OTUD7A: variants seen among roughly 807,000 people sequenced by gnomAD.
OTUD7A encodes the protein OTU domain-containing protein 7A.
A neutral mutation model predicts 65.7 loss-of-function variants in OTUD7A; 12 were observed. The ratio of observed to expected loss-of-function variants is 0.18; its 90% CI spans 0.12 to 0.30. The LOEUF (loss-of-function observed/expected upper bound fraction) is 0.30. Ranked by LOEUF, OTUD7A falls within the 10% of genes least tolerant of loss-of-function variation. The pLI is 1.00. For missense variants in OTUD7A, 1,148 were observed against 1,304.8 expected (o/e 0.88, Z 1.85); for synonymous variants, 641 against 586.3 (o/e 1.09, Z -1.35).
chr15:31,665,768 T>C (rs1243021984), intron 1 of OTUD7A, among the ~76,000 whole-genome samples: 2 of 152,204 alleles, frequency 1.3e-5, no homozygotes, highest in Non-Finnish European at 2.9e-5. Flanking sequence ...ACTTTTCCCA[T>C]TCAGTATTAT....
At chr15:31,604,158 G>A (rs1405003687) in intron 3 of OTUD7A, among the ~76,000 whole-genome samples, 1 of 152,090 alleles carries the variant, frequency 6.6e-6, no homozygotes, top group Non-Finnish European at 1.5e-5. Flanking sequence ...TGTTTATTGT[G>A]GCACTATTCA....
At chr15:31,594,366 G>C (rs149331491) in intron 3 of OTUD7A, among the ~76,000 whole-genome samples, 1 of 152,234 alleles carries the variant, frequency 6.6e-6, no homozygotes, top group South Asian at 2.1e-4. Context: ...TGTCTCTTGA[G>C]TGTTTTCCAA....
At chr15:31,757,095 C>T (rs1383964599) in intron 1 of OTUD7A, among the ~76,000 whole-genome samples, 1 of 152,110 alleles carries the variant, frequency 6.6e-6, no homozygotes, top group Non-Finnish European at 1.5e-5. Context: ...TCCAGATGAA[C>T]CCAACTTCAC....
chr15:31,662,032 G>A (rs34280358), intron 1 of OTUD7A, among the ~76,000 whole-genome samples: 2 of 152,172 alleles, frequency 1.3e-5, no homozygotes, highest in Non-Finnish European at 1.5e-5. Flanking sequence ...GCACTGGGAT[G>A]TAAGACTCGA....
chr15:31,752,452 T>C (rs1894663055), intron 1 of OTUD7A, among the ~76,000 whole-genome samples: 1 of 152,228 alleles, frequency 6.6e-6, no homozygotes, highest in Admixed American at 6.5e-5. Flanking sequence ...CTAGTGGCAC[T>C]GTGGAATCTA....
At chr15:31,765,162 G>A (rs1029459536) in intron 1 of OTUD7A, among the ~76,000 whole-genome samples, 1 of 151,936 alleles carries the variant, frequency 6.6e-6, no homozygotes, top group African/African-American at 2.4e-5. Context: ...ATGAATGACT[G>A]AAGCAGTTGG....
At chr15:31,592,519 T>A (rs1322580991) in intron 3 of OTUD7A, among the ~76,000 whole-genome samples, 2 of 152,214 alleles carry the variant, frequency 1.3e-5, no homozygotes, top group East Asian at 3.9e-4. Context: ...CCATCTCTTA[T>A]AACAATGTCT....
intron 1 of OTUD7A, among the ~76,000 whole-genome samples, chr15:31,719,015 A>AT (rs1024931148): frequency 4.6e-5 from 7 of 151,790 alleles, no homozygotes; most frequent in East Asian, 1.9e-4. Flanking sequence ...GTCTTTGGTC[A>AT]TTTTTTCCCA....
chr15:31,566,298 C>T (rs765873660), intron 4 of OTUD7A, among the ~76,000 whole-genome samples: 8 of 151,336 alleles, frequency 5.3e-5, no homozygotes, highest in Non-Finnish European at 1.2e-4. Flanking sequence ...ATAATGTAAA[C>T]ATTGTGTATG....
intron 1 of OTUD7A, among the ~76,000 whole-genome samples, chr15:31,747,649 C>A (rs1337646476): frequency 6.6e-6 from 1 of 151,984 alleles, no homozygotes; most frequent in African/African-American, 2.4e-5. Flanking sequence ...CAGAAGAATG[C>A]CAGTGTAGGA....
intron 1 of OTUD7A, among the ~76,000 whole-genome samples, chr15:31,676,074 T>C (rs531804625): frequency 1.3e-5 from 2 of 152,234 alleles, no homozygotes; most frequent in Non-Finnish European, 2.9e-5. Context: ...ATAAGTTGCA[T>C]GTTTGTTCTC....
rs934019013 is a variant in OTUD7A at position 31,679,235 on chromosome 15, G to A, written c.-99-22158C>T. Among the ~76,000 whole-genome samples, 4 of 152,292 alleles carry A rather than the reference G, an allele frequency of 2.6e-5. No individual in the cohort carries two copies. In the South Asian group the frequency reaches 6.2e-4, roughly 24 times the overall value. ...AACTAATTTGCTTTTGACTTTACAG[G>A]TTCATAGGCATAAGGGACTTGCCTT... On this transcript the variant is annotated intron_variant, in intron 1 of 12. Transcript: ENST00000307050.
rs562170582 is a variant in OTUD7A at position 31,478,533 on chromosome 15, T to C, written c.*4761A>G. On this transcript the variant is annotated 3_prime_UTR_variant, in exon 13 of 13. Coordinates refer to ENST00000307050, the MANE Select transcript of OTUD7A (RefSeq NM_001382637.1). ...AGAAACAGTAACATTACTAGCATGG[T>C]TGGAGATGATGGCTTCAGTGCTACT... 1.3e-5 allele frequency: 2 copies of C among 152,218 alleles called. No homozygotes were observed. The highest frequency in any genetic ancestry group is 2.1e-4 in the South Asian group (1 of 4,830). 9.4% of individuals were successfully genotyped at this position (152,218 alleles called of 1,614,324 possible). A position where few individuals can be genotyped will look rare whatever the true frequency, so the allele number is the denominator to read the frequency against.
At chr15:31,842,722 C>T (rs1056900924) in intron 1 of OTUD7A, among the ~76,000 whole-genome samples, 1 of 152,184 alleles carries the variant, frequency 6.6e-6, no homozygotes, top group Non-Finnish European at 1.5e-5. Flanking sequence ...AAACCCTGAC[C>T]TACTTAGGGC....
intron 1 of OTUD7A, among the ~76,000 whole-genome samples, chr15:31,733,977 A>G (rs759546176): frequency 6.6e-6 from 1 of 152,086 alleles, no homozygotes; most frequent in Non-Finnish European, 1.5e-5. Context: ...AAAAATGTCA[A>G]TTTTTTCAAA....
At chr15:31,726,425 C>T (rs970513386) in intron 1 of OTUD7A, among the ~76,000 whole-genome samples, 12 of 150,970 alleles carry the variant, frequency 7.9e-5, no homozygotes, top group Non-Finnish European at 1.6e-4. Context: ...GAGCAAATTT[C>T]ATAATTAAAA....
At chr15:31,614,520 G>T (rs1890528335) in intron 3 of OTUD7A, among the ~76,000 whole-genome samples, 1 of 151,874 alleles carries the variant, frequency 6.6e-6, no homozygotes, top group South Asian at 2.1e-4. Context: ...AATAATAAAG[G>T]CCAGAAGAAA....
chr15:31,778,816 T>C (rs1895460731), intron 1 of OTUD7A, among the ~76,000 whole-genome samples: 1 of 152,176 alleles, frequency 6.6e-6, no homozygotes, highest in African/African-American at 2.4e-5. Flanking sequence ...CTGCTCTTCC[T>C]TTCCCCGCTC....
At chr15:31,584,893 G>C (rs1406481610) in intron 3 of OTUD7A, among the ~76,000 whole-genome samples, 2 of 152,170 alleles carry the variant, frequency 1.3e-5, no homozygotes, top group Non-Finnish European at 2.9e-5. Flanking sequence ...GTGCCCTCTT[G>C]CTTCCTTGTC....
Sources: allele counts gnomAD v4.1 joint callset (sites outside exome capture counted in the v4.1 genomes callset), GRCh38; gene constraint gnomAD v4.1.1; transcripts MANE v1.5; gene names NCBI Gene and HGNC (gene_info 2026-07-23, HGNC 2026-07-21).